The following POLI variants were observed in gnomAD, a reference collection of about 807,000 sequenced individuals.
The protein encoded by POLI is DNA polymerase iota.
In POLI, 58 loss-of-function variants were observed where a neutral mutation model predicts 51.6. The observed-to-expected ratio is 1.12, with a 90% CI of 0.91 to 1.40. The LOEUF is 1.40. Ranked by LOEUF, POLI falls within the 40% of genes most tolerant of loss-of-function variation. The pLI, the probability that POLI is intolerant of heterozygous loss-of-function variation, is 0.00. For missense variants in POLI, 921 were observed against 871.3 expected (o/e 1.06, Z -0.72); for synonymous variants, 322 against 299.7 (o/e 1.07, Z -0.77).
At chr18:54,305,552 T>G (rs1486489823) in intron 3 of POLI, among the ~76,000 whole-genome samples, 1 of 142,414 alleles carries the variant, frequency 7.0e-6, no homozygotes, top group East Asian at 1.9e-4. Flanking sequence ...ATGATTTGAC[T>G]CTCTGTTTGT....
At chr18:54,306,579 C>T (rs2088589841) in intron 3 of POLI, among the ~76,000 whole-genome samples, 1 of 152,144 alleles carries the variant, frequency 6.6e-6, no homozygotes, top group African/African-American at 2.4e-5. Flanking sequence ...CAGGATGATG[C>T]TGGCCCCCTA....
intron 3 of POLI, among the ~76,000 whole-genome samples, chr18:54,276,672 GAGGTAATAGTTTTCTCT>G (rs1361069215): frequency 1.3e-5 from 2 of 152,198 alleles, no homozygotes; most frequent in African/African-American, 2.4e-5. Context: ...GTCCTGAAAG[GAGGTAATAGTTTTCTCT>G]AGGTAATAGT....
intron 3 of POLI, among the ~76,000 whole-genome samples, chr18:54,317,757 T>A (rs2088753143): frequency 6.6e-6 from 1 of 152,000 alleles, no homozygotes. Context: ...CCCAGCTACT[T>A]GGGAGGGTGA....
rs748705052 is a variant in POLI at position 54,280,794 on chromosome 18, G to A, written c.687G>A (p.Leu229=). 6.2e-7 allele frequency: 1 copy of A among 1,613,720 alleles called. No homozygotes were observed. The highest frequency in any genetic ancestry group is 8.5e-7 in the Non-Finnish European group (1 of 1,179,712). ...TGCAGVASNK[L]LAKLVSGVFK... ...GTGCTGGAGTGGCTTCTAATAAACT[G>A]TTGGCAAAATTAGTTTCTGGTGTCT... The change falls in exon 5 of 10, where the codon CTG becomes CTA. Residue 229 remains leucine, a synonymous_variant. Transcript: ENST00000579534.
chr18:54,276,664 C>T (rs1314803325), intron 3 of POLI, among the ~76,000 whole-genome samples: 1 of 152,156 alleles, frequency 6.6e-6, no homozygotes, highest in Non-Finnish European at 1.5e-5. Context: ...GTCAGTCTGT[C>T]CTGAAAGGAG....
chr18:54,295,847 C>T lies in POLI; in HGVS notation c.*1380C>T, dbSNP rs371503968. On this transcript the variant is annotated 3_prime_UTR_variant, in exon 10 of 10. Transcript: ENST00000579534. ...TTCACCATATTGGCCAGGCTGGTCT[C>T]GAACTCCTGGTCTCAGGTGATCCTC... is the stretch of plus-strand genomic sequence containing the variant. 557 of 467,840 alleles carry T rather than the reference C, an allele frequency of 1.2e-3. 7 individuals are homozygous for T. In the South Asian group the frequency reaches 0.031, roughly 26 times the overall value. The allele number at this position is 467,840 out of a possible 1,614,324, so 29.0% of individuals were successfully genotyped here.
At chr18:54,275,409 T>C (rs1430533675) in intron 3 of POLI, among the ~76,000 whole-genome samples, 2 of 152,120 alleles carry the variant, frequency 1.3e-5, no homozygotes, top group Non-Finnish European at 2.9e-5. Context: ...TTGTCAAAAG[T>C]ATGGAAGGAA....
At position 54,280,842 on chromosome 18, in the gene POLI, C is replaced by CT; in HGVS notation, c.737dup (p.Leu246PhefsTer4). 6.2e-7 allele frequency: 1 copy of CT among 1,613,426 alleles called. No homozygotes were observed. Among genetic ancestry groups the CT allele is most frequent in the Non-Finnish European group, 8.5e-7 (1 of 1,179,486 alleles). On this transcript the variant is annotated frameshift_variant, in exon 5 of 10. Transcript: ENST00000579534. LOFTEE classifies it high-confidence loss of function. ...TCTTTAAACCAAATCAACAAACAGT[C>CT]TTATTACCTGAAAGTTGTCAACATC...
intron 9 of POLI, among the ~76,000 whole-genome samples, chr18:54,292,620 G>T (rs899658226): frequency 6.6e-6 from 1 of 151,964 alleles, no homozygotes; most frequent in African/African-American, 2.4e-5. Context: ...GTAAATGTGG[G>T]TTGCCTTAAA....
chr18:54,306,427 A>G (rs537165551), intron 3 of POLI, among the ~76,000 whole-genome samples: 4 of 152,196 alleles, frequency 2.6e-5, no homozygotes, highest in African/African-American at 9.7e-5. Flanking sequence ...GATGAAGCCC[A>G]CTTGATCGTG....
intron 4 of POLI, among the ~76,000 whole-genome samples, chr18:54,280,441 G>T (rs2087443644): frequency 6.6e-6 from 1 of 152,154 alleles, no homozygotes; most frequent in Non-Finnish European, 1.5e-5. Context: ...ATCCACCCCT[G>T]TGATCCCAAC....
chr18:54,295,113 A>G lies in POLI; in HGVS notation c.*646A>G. The G allele has an allele frequency of 4.1e-6, 4 of 985,540 alleles. No homozygotes were observed. The highest frequency in any genetic ancestry group is 4.8e-6 in the Non-Finnish European group (4 of 830,002). The allele number at this position is 985,540 out of a possible 1,614,324, so 61.0% of individuals were successfully genotyped here. On this transcript the variant is annotated 3_prime_UTR_variant, in exon 10 of 10. Transcript: ENST00000579534. ...GGGAGTTAAAGTGAGAGGAGGGTAT[A>G]TGTTATAGAGAACAGTGGTAGAAGG...
chr18:54,298,403 C>T (rs2088430612), downstream of POLI, among the ~76,000 whole-genome samples: 1 of 152,096 alleles, frequency 6.6e-6, no homozygotes. Flanking sequence ...TGAGCTACCT[C>T]CATCCTAAAT....
rs1180938946 is a variant in POLI at position 54,293,733 on chromosome 18, A to G, written c.1489A>G (p.Thr497Ala). The G allele has an allele frequency of 1.2e-6, 2 of 1,606,114 alleles. No homozygotes were observed. The highest frequency in any genetic ancestry group is 1.7e-5 in the Admixed American group (1 of 59,050). Reference sequence around the variant, plus strand: ...CCTACCAAGTGGAAGAATTGAAAGTACAAGAACTAGGGAGTCTCCACTAGA... The same window carrying G: ...CCTACCAAGTGGAAGAATTGAAAGTGCAAGAACTAGGGAGTCTCCACTAGA... ...DFLPSGRIESTRTRESPLDTT... is the reference protein window; with the variant it reads ...DFLPSGRIESARTRESPLDTT... The change falls in exon 10 of 10, where the codon ACA (threonine) becomes GCA (alanine). Residue 497 changes from threonine to alanine, a missense_variant. Transcript: ENST00000579534.
At chr18:54,269,948 T>A (rs1389018103) in intron 1 of POLI, 12 of 1,174,674 alleles carry the variant, frequency 1.0e-5, no homozygotes, top group Non-Finnish European at 1.3e-5. Context: ...CGGGAATCCC[T>A]CAGCCAGCCC....
At chr18:54,309,905 A>G (rs2088647289) in intron 3 of POLI, among the ~76,000 whole-genome samples, 1 of 152,206 alleles carries the variant, frequency 6.6e-6, no homozygotes, top group Non-Finnish European at 1.5e-5. Flanking sequence ...TGCCTGGGAT[A>G]TAATCTCCTG....
upstream of POLI, chr18:54,269,480 GT>G (rs1207690764): frequency 4.7e-6 from 7 of 1,483,984 alleles, no homozygotes; most frequent in Non-Finnish European, 5.3e-6. Flanking sequence ...GGAGACTGTA[GT>G]CCCCCGGTTT....
At chr18:54,270,394 A>G (rs2086951332) in intron 1 of POLI, 1 of 152,266 alleles carries the variant, frequency 6.6e-6, no homozygotes, top group Non-Finnish European at 1.5e-5. Flanking sequence ...AACTCCAGCC[A>G]CAAGCGATCC....
chr18:54,307,217 G>T (rs1193363749), intron 3 of POLI, among the ~76,000 whole-genome samples: 2 of 152,100 alleles, frequency 1.3e-5, no homozygotes, highest in African/African-American at 4.8e-5. Flanking sequence ...GCTTTCTCTT[G>T]TGGGCATTTA....
Sources: allele counts gnomAD v4.1 joint callset (sites outside exome capture counted in the v4.1 genomes callset), GRCh38; gene constraint gnomAD v4.1.1; transcripts MANE v1.5; gene names NCBI Gene and HGNC (gene_info 2026-07-23, HGNC 2026-07-21).